CCDC126: variants seen among roughly 807,000 people sequenced by gnomAD.
CCDC126 encodes coiled-coil domain containing 126, also known as coiled-coil domain-containing protein 126.
CCDC126 carries 5 observed loss-of-function variants against 11.7 expected under a neutral mutation model. That is an observed-to-expected ratio of 0.43 (90% confidence interval 0.22 to 0.90). CCDC126 has a LOEUF of 0.90. CCDC126 is among the 40% of genes least tolerant of loss of function. The pLI is 0.27. For synonymous variants in CCDC126, 60 were observed against 61.9 expected, an observed-to-expected ratio of 0.97 and a Z score of 0.14; for missense variants, 150 against 163.1, an observed-to-expected ratio of 0.92 and a Z score of 0.44.
intron 2 of CCDC126, among the ~76,000 whole-genome samples, chr7:23,602,562 C>T (rs1484496349): frequency 1.3e-5 from 2 of 152,160 alleles, no homozygotes; most frequent in African/African-American, 4.8e-5. Context: ...CAGGCCATTT[C>T]ATGCTGTGCT....
At chr7:23,609,350 A>G (rs569333213) in intron 2 of CCDC126, among the ~76,000 whole-genome samples, 1 of 152,024 alleles carries the variant, frequency 6.6e-6, no homozygotes, top group South Asian at 2.1e-4. Flanking sequence ...CGTCCGGCTA[A>G]TTTTGTATTT....
chr7:23,642,677 C>T (rs754894732), intron 3 of CCDC126, among the ~76,000 whole-genome samples: 1 of 151,558 alleles, frequency 6.6e-6, no homozygotes, highest in Non-Finnish European at 1.5e-5. Context: ...GCACGAGAAT[C>T]GCTGGAACCC....
intron 3 of CCDC126, among the ~76,000 whole-genome samples, chr7:23,640,991 GGTTTT>G (rs1446119187): frequency 4.5e-5 from 5 of 111,000 alleles, no homozygotes; most frequent in South Asian, 3.0e-4. Context: ...GAATCCTTTT[GGTTTT>G]TTTTTTTTTT....
At chr7:23,623,369 G>A (rs753923298) in intron 3 of CCDC126, among the ~76,000 whole-genome samples, 4 of 152,014 alleles carry the variant, frequency 2.6e-5, no homozygotes, top group Non-Finnish European at 5.9e-5. Context: ...GGCCGAGGTG[G>A]GCGGATCACC....
At chr7:23,612,474 C>CAAAAAAAAAAAAAAAAAAA (rs70954395) in intron 3 of CCDC126, among the ~76,000 whole-genome samples, 12 of 56,206 alleles carry the variant, frequency 2.1e-4, no homozygotes, top group Non-Finnish European at 3.8e-4. Context: ...GACTCCATCT[C>CAAAAAAAAAAAAAAAAAAA]AAAAAAAAAA....
chr7:23,620,606 G>A (rs1274165673), intron 3 of CCDC126, among the ~76,000 whole-genome samples: 4 of 141,562 alleles, frequency 2.8e-5, no homozygotes, highest in African/African-American at 1.0e-4. Context: ...GTCAATTTTG[G>A]CTTTTGTTGC....
chr7:23,639,484 C>T (rs112302609), intron 3 of CCDC126, among the ~76,000 whole-genome samples: 9,101 of 152,210 alleles, frequency 0.06, 814 homozygotes, highest in African/African-American at 0.19. Context: ...GGATTACAGG[C>T]GTGAGCCATC....
intron 3 of CCDC126, among the ~76,000 whole-genome samples, chr7:23,628,389 C>T (rs1416726432): frequency 1.3e-5 from 2 of 152,144 alleles, no homozygotes; most frequent in South Asian, 2.1e-4. Context: ...CAGGCAAAGA[C>T]AGAAAAAGCC....
At chr7:23,610,763 C>T (rs1344712814) in intron 2 of CCDC126, among the ~76,000 whole-genome samples, 3 of 151,776 alleles carry the variant, frequency 2.0e-5, no homozygotes, top group Non-Finnish European at 4.4e-5. Context: ...CTTTTTCTTT[C>T]CTTCTTCCTA....
intron 3 of CCDC126, among the ~76,000 whole-genome samples, chr7:23,639,187 T>TA (rs1783307474): frequency 2.0e-5 from 3 of 151,274 alleles, no homozygotes; most frequent in Admixed American, 6.6e-5. Flanking sequence ...ACATTTTTTT[T>TA]ATGTCTTTTT....
chr7:23,620,240 C>CTGT (rs1782868616), intron 3 of CCDC126, among the ~76,000 whole-genome samples: 1 of 152,088 alleles, frequency 6.6e-6, no homozygotes, highest in Non-Finnish European at 1.5e-5. Context: ...CTCTCCAGCA[C>CTGT]CTGTTGTTTC....
intron 2 of CCDC126, among the ~76,000 whole-genome samples, chr7:23,609,030 T>C (rs1782663506): frequency 6.6e-6 from 1 of 152,094 alleles, no homozygotes; most frequent in Non-Finnish European, 1.5e-5. Flanking sequence ...AGTTCGTTGA[T>C]CTGGGTGGTG....
intron 3 of CCDC126, among the ~76,000 whole-genome samples, chr7:23,638,055 C>T (rs28412813): frequency 0.049 from 6,207 of 127,894 alleles, 336 homozygotes; most frequent in African/African-American, 0.16. Flanking sequence ...GTGAGGAGCC[C>T]CTCTGCCTGG....
At chr7:23,636,938 G>A (rs1383517454) in intron 3 of CCDC126, among the ~76,000 whole-genome samples, 1 of 69,278 alleles carries the variant, frequency 1.4e-5, no homozygotes, top group Non-Finnish European at 3.0e-5. Context: ...TGCCCAGTCC[G>A]GGAGGTGAGG....
intron 3 of CCDC126, among the ~76,000 whole-genome samples, chr7:23,641,017 GTA>G (rs148272621): frequency 0.048 from 5,364 of 112,768 alleles, 282 homozygotes; most frequent in African/African-American, 0.15. Flanking sequence ...TTTTTTTTTG[GTA>G]TATACCTAGG....
At chr7:23,635,496 A>G (rs1223661708) in intron 3 of CCDC126, among the ~76,000 whole-genome samples, 4 of 152,264 alleles carry the variant, frequency 2.6e-5, no homozygotes, top group Non-Finnish European at 5.9e-5. Context: ...TGTATTGTGA[A>G]TATAGAGAAA....
chr7:23,622,407 C>A (rs1019668761), intron 3 of CCDC126: 2 of 336,986 alleles, frequency 5.9e-6, no homozygotes, highest in African/African-American at 2.2e-5. Flanking sequence ...GTTTGTATTT[C>A]TGTGGGATCA....
At chr7:23,611,632 A>G (rs1782712973) in intron 3 of CCDC126, 79 bp downstream of exon 3, 4 of 963,254 alleles carry the variant, frequency 4.2e-6, no homozygotes, top group Non-Finnish European at 6.5e-6. Flanking sequence ...TTATTACTTC[A>G]TGCATAGGTC....
intron 3 of CCDC126, among the ~76,000 whole-genome samples, chr7:23,639,007 T>G (rs912213226): frequency 1.3e-5 from 2 of 151,822 alleles, no homozygotes; most frequent in Admixed American, 6.6e-5. Flanking sequence ...TTAAAAAATA[T>G]GATTATCTCC....
Sources: allele counts gnomAD v4.1 joint callset (sites outside exome capture counted in the v4.1 genomes callset), GRCh38; gene constraint gnomAD v4.1.1; transcripts MANE v1.5; gene names NCBI Gene and HGNC (gene_info 2026-07-23, HGNC 2026-07-21).